PRKCZ: variants seen among roughly 807,000 people sequenced by gnomAD.
PRKCZ encodes protein kinase C zeta type.
Under a neutral mutation model 79.5 loss-of-function variants are expected in PRKCZ, and 33 were observed. The observed-to-expected ratio is 0.41, with a 90% confidence interval of 0.31 to 0.55. PRKCZ has a LOEUF of 0.55. Ranked by LOEUF, PRKCZ falls within the 20% of genes least tolerant of loss-of-function variation. The probability of loss-of-function intolerance (pLI) is 0.19; values close to 1 mark genes in which losing one functional copy is unlikely to be tolerated. For missense variants in PRKCZ, 578 were observed against 813.5 expected (o/e 0.71, Z 3.52); for synonymous variants, 342 against 320.9 (o/e 1.07, Z -0.70).
intron 4 of PRKCZ, among the ~76,000 whole-genome samples, chr1:2,131,725 G>GGATTGGTTACTGCTGCGGCCTGAAA (rs1674994971): frequency 6.6e-6 from 1 of 152,114 alleles, no homozygotes; most frequent in Middle Eastern, 3.2e-3. Context: ...CTAGCCTGAA[G>GGATTGGTTACTGCTGCGGCCTGAAA]TTGGATTGGT....
rs1364488330 is a variant in PRKCZ at position 2,135,015 on chromosome 1, G to A, written c.335-247G>A. On this transcript the variant is annotated intron_variant, in intron 4 of 17. Coordinates refer to ENST00000378567, the MANE Select transcript of PRKCZ (RefSeq NM_002744.6). ...CCGTGGTGGATCCTGTCCGCCCTGC[G>A]AGGACACCTGGCTCCATCCACACCT... 8.2e-6 allele frequency: 3 copies of A among 364,188 alleles called. No homozygotes were observed. The Admixed American group carries it at 1.3e-4, about 16-fold the overall frequency. 22.6% of individuals were successfully genotyped at this position (364,188 alleles called of 1,614,324 possible). A position where few individuals can be genotyped will look rare whatever the true frequency, so the allele number is the denominator to read the frequency against.
intron 4 of PRKCZ, among the ~76,000 whole-genome samples, chr1:2,112,398 A>T (rs1302801142): frequency 2.6e-5 from 4 of 152,144 alleles, no homozygotes; most frequent in Non-Finnish European, 4.4e-5. Flanking sequence ...TGCAATGAGG[A>T]TGAACGAGCC....
At chr1:2,057,020 G>T (rs1042273558) in intron 3 of PRKCZ, among the ~76,000 whole-genome samples, 3 of 152,098 alleles carry the variant, frequency 2.0e-5, no homozygotes, top group Admixed American at 6.6e-5. Context: ...GAGCCACCGC[G>T]CCCGGCCTTT....
intron 10 of PRKCZ, 32 bp downstream of exon 10, chr1:2,156,124 G>A: frequency 3.2e-6 from 5 of 1,562,704 alleles, no homozygotes; most frequent in Non-Finnish European, 4.4e-6. Context: ...CTGATATTCT[G>A]CAGATTTCAG....
intron 4 of PRKCZ, among the ~76,000 whole-genome samples, chr1:2,120,162 T>G (rs914415131): frequency 2.0e-5 from 3 of 152,088 alleles, no homozygotes; most frequent in Non-Finnish European, 4.4e-5. Flanking sequence ...TAAAAGTGTT[T>G]TCATCACAAC....
At chr1:2,133,068 T>C (rs1449064295) in intron 4 of PRKCZ, among the ~76,000 whole-genome samples, 1 of 152,200 alleles carries the variant, frequency 6.6e-6, no homozygotes, top group East Asian at 1.9e-4. Context: ...TGCTGGAGGC[T>C]CCCTGATGAG....
chr1:2,180,552 C>T (rs2100525902), intron 16 of PRKCZ, among the ~76,000 whole-genome samples: 1 of 152,226 alleles, frequency 6.6e-6, no homozygotes, highest in East Asian at 1.9e-4. Context: ...GACGTGGATG[C>T]ATGGACGACG....
intron 4 of PRKCZ, among the ~76,000 whole-genome samples, chr1:2,119,213 C>CTTTTTTTTTTTTTTTTTTTTTTTTTTTTT (rs201938015): frequency 7.9e-6 from 1 of 126,436 alleles, no homozygotes; most frequent in Non-Finnish European, 1.6e-5. Flanking sequence ...TTATTTTTTC[C>CTTTTTTTTTTTTTTTTTTTTTTTTTTTTT]TTTTTTTTTT....
At chr1:2,150,546 GA>G (rs953192389) in intron 8 of PRKCZ, among the ~76,000 whole-genome samples, 3 of 152,210 alleles carry the variant, frequency 2.0e-5, no homozygotes, top group African/African-American at 7.2e-5. Flanking sequence ...TCTGTGGAAC[GA>G]ACAGCTTCTA....
At chr1:2,143,415 A>T (rs939390679) in intron 5 of PRKCZ, 2 of 152,302 alleles carry the variant, frequency 1.3e-5, no homozygotes, top group Admixed American at 1.3e-4. Context: ...GGAAAAGCAT[A>T]TGAAAGGGCT....
At chr1:2,108,646 C>T (rs1000997197) in intron 4 of PRKCZ, among the ~76,000 whole-genome samples, 2 of 152,214 alleles carry the variant, frequency 1.3e-5, no homozygotes, top group Admixed American at 6.5e-5. Flanking sequence ...GAGTAGTTGG[C>T]CTGGTGGCCG....
rs1674313313 is a variant in PRKCZ, at chr1:2,128,211, G to T, written c.335-7051G>T. On this transcript the variant is annotated intron_variant, in intron 4 of 17. Coordinates refer to ENST00000378567, the MANE Select transcript of PRKCZ (RefSeq NM_002744.6). This position sits in a 1 kb window ranked among gnomAD's most constrained non-coding sequence, Gnocchi z 6.5. ...CCTGGGCCACCATAGAAGGCACCTG[G>T]CTATCTGCATGTGGCTTGACCACTG... Among the ~76,000 whole-genome samples, 1 of 152,216 alleles carries T rather than the reference G, an allele frequency of 6.6e-6. No homozygotes were observed. Among genetic ancestry groups the T allele is most frequent in the Non-Finnish European group, 1.5e-5 (1 of 68,030 alleles).
chr1:2,102,495 G>A (rs141754032), intron 4 of PRKCZ, among the ~76,000 whole-genome samples: 3,915 of 151,698 alleles, frequency 0.026, 246 homozygotes, highest in East Asian at 0.25. Context: ...ACCACGTCCC[G>A]CTAATTTTTT....
rs954047201 is a variant in PRKCZ, at chr1:2,174,425, G to A, written c.1406-329G>A. 6.6e-6 allele frequency among the ~76,000 whole-genome samples: 1 copy of A among 152,244 alleles called. No homozygotes were observed. The highest frequency in any genetic ancestry group is 2.4e-5 in the African/African-American group (1 of 41,472). The stretch of plus-strand genomic sequence containing the variant: ...CTGGTCTGGAATTCAGTGCTGTGGG[G>A]ATGTGGGATCTGGGAACGCGGCTGT... On this transcript the variant is annotated intron_variant, in intron 14 of 17. Coordinates refer to ENST00000378567, the MANE Select transcript of PRKCZ (RefSeq NM_002744.6). The surrounding 1 kb of genome is among the most constrained non-coding windows in gnomAD (Gnocchi z 6.2).
At chr1:2,179,016 C>T (rs1008429540) in intron 16 of PRKCZ, among the ~76,000 whole-genome samples, 24 of 152,226 alleles carry the variant, frequency 1.6e-4, no homozygotes, top group African/African-American at 5.1e-4. Flanking sequence ...GGCCCGGCAC[C>T]GGGTCCCCAA....
rs184613914 is a variant in PRKCZ, at chr1:2,084,319, C to T, written c.334+24728C>T. The stretch of plus-strand genomic sequence containing the variant: ...TGGGTTCTGCAGGTCTTCCTAAGCG[C>T]AGTGGAAAATTCCCCCCACGCTCAT... On this transcript the variant is annotated intron_variant, in intron 4 of 17. Transcript: ENST00000378567. Among the ~76,000 whole-genome samples the T allele has an allele frequency of 1.2e-4, 18 of 152,324 alleles. No homozygotes were observed. In the East Asian group the frequency reaches 3.5e-3, roughly 29 times the overall value.
intron 4 of PRKCZ, among the ~76,000 whole-genome samples, chr1:2,096,883 A>T (rs1479259019): frequency 6.6e-6 from 1 of 152,194 alleles, no homozygotes; most frequent in Non-Finnish European, 1.5e-5. Context: ...ACTCAGGACG[A>T]GGCCCCTTGA....
At position 2,094,271 on chromosome 1, in the gene PRKCZ, G is replaced by A. The variant is rs1015869507; in HGVS notation, c.334+34680G>A. ...AGCCTGGTGACCCGAGGGTACCCTC[G>A]GCCTCCCGGCCTGAACTCTTCTCCT... On this transcript the variant is annotated intron_variant, in intron 4 of 17. Transcript: ENST00000378567. This position sits in a 1 kb window ranked among gnomAD's most constrained non-coding sequence, Gnocchi z 7.3. Among the ~76,000 whole-genome samples, 1 of 152,126 alleles carries A rather than the reference G, an allele frequency of 6.6e-6. No individual in the cohort carries two copies. Among genetic ancestry groups the A allele is most frequent in the Admixed American group, 6.5e-5 (1 of 15,286 alleles).
intron 11 of PRKCZ, among the ~76,000 whole-genome samples, 200 bp downstream of exon 11, chr1:2,169,804 G>T (rs1684080646): frequency 7.9e-6 from 1 of 126,052 alleles, no homozygotes; most frequent in Non-Finnish European, 1.7e-5. Flanking sequence ...GGGCGGGGGG[G>T]GCGGGGTGCA....
Sources: allele counts gnomAD v4.1 joint callset (sites outside exome capture counted in the v4.1 genomes callset), GRCh38; gene constraint gnomAD v4.1.1; non-coding constraint Gnocchi (gnomAD v3.1); transcripts MANE v1.5; gene names NCBI Gene and HGNC (gene_info 2026-07-23, HGNC 2026-07-21).